The following TRPM3 variants were observed in gnomAD, a reference collection of about 807,000 sequenced individuals.
TRPM3 encodes the protein long transient receptor potential channel 3.
A neutral mutation model predicts 181.2 loss-of-function variants in TRPM3; 77 were observed. The ratio of observed to expected loss-of-function variants is 0.42; its 90% confidence interval spans 0.35 to 0.51. The LOEUF is 0.51. TRPM3 is among the 20% of genes least tolerant of loss of function. The probability of loss-of-function intolerance (pLI) is 0.01; values close to 1 mark genes in which losing one functional copy is unlikely to be tolerated. For missense variants in TRPM3, 1,759 were observed against 2,196.7 expected, an observed-to-expected ratio of 0.80 and a Z score of 3.98; for synonymous variants, 745 against 796.4, an observed-to-expected ratio of 0.94 and a Z score of 1.09.
At chr9:70,559,326 C>T (rs1410668195) in intron 22 of TRPM3, among the ~76,000 whole-genome samples, 1 of 152,186 alleles carries the variant, frequency 6.6e-6, no homozygotes, top group African/African-American at 2.4e-5. Flanking sequence ...GTCTATTTTC[C>T]TGTTTATGTC....
chr9:70,584,768 A>G (rs990877590), intron 22 of TRPM3, among the ~76,000 whole-genome samples: 12 of 152,030 alleles, frequency 7.9e-5, no homozygotes, highest in Admixed American at 2.6e-4. Context: ...TTTTCCCTTC[A>G]TCTTACACCT....
chr9:70,765,710 A>G (rs182453604), intron 7 of TRPM3, among the ~76,000 whole-genome samples: 108 of 152,306 alleles, frequency 7.1e-4, no homozygotes, highest in African/African-American at 2.3e-3. Context: ...ATCTTCTCTG[A>G]AGATCCTTTC....
intron 22 of TRPM3, among the ~76,000 whole-genome samples, chr9:70,558,031 C>A (rs2048158741): frequency 6.6e-6 from 1 of 152,178 alleles, no homozygotes; most frequent in South Asian, 2.1e-4. Context: ...GTATTTTATT[C>A]CCTGATTGCA....
intron 1 of TRPM3, among the ~76,000 whole-genome samples, chr9:71,158,617 G>A (rs2076119641): frequency 6.6e-6 from 1 of 152,136 alleles, no homozygotes; most frequent in African/African-American, 2.4e-5. Flanking sequence ...TTCAGGTAAT[G>A]CTTCTTTGAA....
chr9:71,103,373 C>T (rs1462640909), intron 1 of TRPM3, among the ~76,000 whole-genome samples: 1 of 152,142 alleles, frequency 6.6e-6, no homozygotes, highest in African/African-American at 2.4e-5. Flanking sequence ...CCTGAGTATC[C>T]TGTGAAAGCT....
intron 5 of TRPM3, among the ~76,000 whole-genome samples, chr9:70,832,905 T>A (rs544744692): frequency 3.9e-5 from 6 of 152,246 alleles, no homozygotes; most frequent in African/African-American, 1.4e-4. Context: ...TTATTAAGAA[T>A]TTCTTGAGGA....
intron 1 of TRPM3, among the ~76,000 whole-genome samples, chr9:71,429,239 TG>T (rs2093920600): frequency 1.3e-5 from 2 of 152,166 alleles, no homozygotes; most frequent in Non-Finnish European, 2.9e-5. Flanking sequence ...AGAAAAGTAA[TG>T]GGTTAAAAAA....
At chr9:70,921,500 A>G (rs3010419) in intron 1 of TRPM3, among the ~76,000 whole-genome samples, 85,114 of 152,018 alleles carry the variant, frequency 0.56, 24,750 homozygotes, top group African/African-American at 0.69. Flanking sequence ...TAGTCCAGGA[A>G]ACAGAATATT....
chr9:71,089,271 T>C (rs1178999573), intron 1 of TRPM3, among the ~76,000 whole-genome samples: 2 of 150,538 alleles, frequency 1.3e-5, no homozygotes, highest in Non-Finnish European at 3.0e-5. Flanking sequence ...TCTATATCAC[T>C]ATAAAATAAA....
At chr9:71,420,725 GAGAGAGAGAGAAAGAGAGAGAA>G (rs2093724680) in intron 1 of TRPM3, among the ~76,000 whole-genome samples, 2 of 125,756 alleles carry the variant, frequency 1.6e-5, no homozygotes, top group African/African-American at 5.9e-5. Context: ...GAGAGAAAGA[GAGAGAGAGAGAAAGAGAGAGAA>G]AGAGAGAGAA....
At chr9:70,627,383 C>T (rs976188133) in intron 12 of TRPM3, among the ~76,000 whole-genome samples, 6 of 149,848 alleles carry the variant, frequency 4.0e-5, no homozygotes, top group Non-Finnish European at 7.4e-5. Context: ...AGTGATTCTC[C>T]TGCCTCAGCC....
intron 1 of TRPM3, among the ~76,000 whole-genome samples, chr9:70,909,783 G>A (rs1422512827): frequency 1.3e-5 from 2 of 152,142 alleles, no homozygotes; most frequent in African/African-American, 4.8e-5. Flanking sequence ...TTAGGTCAGT[G>A]CAAAAGCAAT....
intron 1 of TRPM3, among the ~76,000 whole-genome samples, chr9:71,207,710 A>G (rs1267675242): frequency 6.6e-6 from 1 of 152,162 alleles, no homozygotes; most frequent in East Asian, 1.9e-4. Context: ...CAAAATGAAG[A>G]TGAACTTTAA....
intron 25 of TRPM3, among the ~76,000 whole-genome samples, chr9:70,538,262 C>T (rs561121858): frequency 6.6e-6 from 1 of 152,264 alleles, no homozygotes; most frequent in Admixed American, 6.5e-5. Context: ...CTCTATCCTC[C>T]CATTGGAAAT....
rs186065583 is a variant in TRPM3, at chr9:70,956,844, C to T, written c.178-92333G>A. On this transcript the variant is annotated intron_variant, in intron 1 of 25. Transcript: ENST00000677713. ...AAGGCTGTAGTGAGCTGTGATCACA[C>T]CAATGCACTCCAGCCTGGGCAACAG... Among the ~76,000 whole-genome samples the T allele has an allele frequency of 1.3e-4, 19 of 151,892 alleles. No homozygotes were observed. The East Asian group carries it at 3.3e-3, about 26-fold the overall frequency.
chr9:71,257,564 G>A (rs866160921), intron 1 of TRPM3, among the ~76,000 whole-genome samples: 1 of 152,134 alleles, frequency 6.6e-6, no homozygotes, highest in Non-Finnish European at 1.5e-5. Flanking sequence ...AAATAGCAAA[G>A]CACGGGCCTG....
Position 71,121,611 on chromosome 9 carries a change from T to G in TRPM3, c.-257A>C. On this transcript the variant is annotated 5_prime_UTR_variant, in exon 1 of 26. Coordinates refer to ENST00000677713, the MANE Select transcript of TRPM3 (RefSeq NM_001366145.2). ...GCCTGTGGTCGGAGTCAAAGCAGCC[T>G]GCTCCAGAATGCGCGCTCCCTCTCC... 1.6e-6 allele frequency: 2 copies of G among 1,237,018 alleles called. No individual in the cohort carries two copies. The highest frequency in any genetic ancestry group is 2.0e-6 in the Non-Finnish European group (2 of 987,912). 76.6% of individuals were successfully genotyped at this position (1,237,018 alleles called of 1,614,324 possible). A position where few individuals can be genotyped will look rare whatever the true frequency, so the allele number is the denominator to read the frequency against.
chr9:71,279,755 T>C (rs1027142074), intron 1 of TRPM3, among the ~76,000 whole-genome samples: 7 of 152,128 alleles, frequency 4.6e-5, no homozygotes, highest in Non-Finnish European at 7.4e-5. Context: ...ACTGATGTTT[T>C]TTCAAAGGTA....
At chr9:71,342,082 C>A (rs2090998885) in intron 1 of TRPM3, among the ~76,000 whole-genome samples, 1 of 151,534 alleles carries the variant, frequency 6.6e-6, no homozygotes, top group African/African-American at 2.4e-5. Context: ...CACACAGAAA[C>A]ACTATTTCTC....
Sources: gnomAD v4.1 joint callset for allele counts (sites outside exome capture counted in the v4.1 genomes callset) on GRCh38, gnomAD v4.1.1 for gene constraint, MANE v1.5 for transcripts, NCBI Gene and HGNC (gene_info 2026-07-23, HGNC 2026-07-21) for gene names.